RGS20: variants seen among roughly 807,000 people sequenced by gnomAD.
The protein encoded by RGS20 is regulator of G protein signaling 20.
A neutral mutation model predicts 33.6 loss-of-function variants in RGS20; 30 were observed. That is an observed-to-expected ratio of 0.89 (90% CI 0.67 to 1.21). The LOEUF is 1.21. RGS20 is among the 50% of genes most tolerant of loss of function. The pLI, the probability that RGS20 is intolerant of heterozygous loss-of-function variation, is 0.00. For synonymous variants in RGS20, 208 were observed against 197.9 expected (o/e 1.05, Z -0.43); for missense variants, 472 against 502.4 (o/e 0.94, Z 0.58).
At chr8:53,863,149 G>C (rs192485235) in intron 1 of RGS20, among the ~76,000 whole-genome samples, 1 of 151,996 alleles carries the variant, frequency 6.6e-6, no homozygotes, top group Non-Finnish European at 1.5e-5. Flanking sequence ...CACCATGCCC[G>C]GCTAATTTTG....
chr8:53,869,620 G>A (rs769473755), intron 1 of RGS20, among the ~76,000 whole-genome samples: 12 of 152,068 alleles, frequency 7.9e-5, no homozygotes, highest in Non-Finnish European at 1.2e-4. Context: ...AGGTTGCGGC[G>A]AGCCAAGATC....
At chr8:53,938,041 C>T (rs1294291996) in intron 2 of RGS20, among the ~76,000 whole-genome samples, 1 of 152,094 alleles carries the variant, frequency 6.6e-6, no homozygotes, top group Non-Finnish European at 1.5e-5. Flanking sequence ...TGGGTATATA[C>T]CCAAAGGATT....
chr8:53,869,439 G>GTGCTGGGTGAGCACCTATCTGATAGAT (rs1194984683), intron 1 of RGS20, among the ~76,000 whole-genome samples: 1 of 152,148 alleles, frequency 6.6e-6, no homozygotes, highest in Non-Finnish European at 1.5e-5. Flanking sequence ...ATTTTGATAG[G>GTGCTGGGTGAGCACCTATCTGATAGAT]CTGAGGTGAG....
chr8:53,958,068 G>A (rs925489212), intron 5 of RGS20, among the ~76,000 whole-genome samples: 3 of 151,972 alleles, frequency 2.0e-5, no homozygotes, highest in Non-Finnish European at 4.4e-5. Context: ...CCCAGGAGGC[G>A]GAGGTTGCAC....
In RGS20 at chr8:53,851,918, G is replaced by T; in HGVS notation, c.19G>T (p.Asp7Tyr). 1 of 1,614,044 alleles carries T rather than the reference G, an allele frequency of 6.2e-7. No individual in the cohort carries two copies. Residue 7 changes from aspartate to tyrosine, a missense_variant, in exon 1 of 6, where the codon GAT becomes TAT. Physicochemically the swap from Asp to Tyr is radical, Grantham distance 160. This residue lies in a region of RGS20 where 28 missense variants were observed against 49.6 expected (regional missense o/e 0.57). Transcript: ENST00000297313. ...TGAAAACATGCCCCAGCTTTCCCAA[G>T]ATAACCAAGAGTGCCTCCAGAAACA...
Position 53,870,244 on chromosome 8 carries a change from T to C in RGS20, c.166-9014T>C, listed in dbSNP as rs117932022. The stretch of plus-strand genomic sequence containing the variant: ...TGCATCCTTACAGAGATAGTCTATG[T>C]ATACACAGATATGTGTGTACACACA... On this transcript the variant is annotated intron_variant, in intron 1 of 5. Transcript: ENST00000297313. 4.7e-4 allele frequency among the ~76,000 whole-genome samples: 72 copies of C among 152,268 alleles called. 2 individuals carry two copies. In the East Asian group the frequency reaches 0.014, roughly 29 times the overall value.
intron 1 of RGS20, among the ~76,000 whole-genome samples, chr8:53,867,761 T>C (rs1414385082): frequency 1.3e-5 from 2 of 151,508 alleles, no homozygotes; most frequent in Non-Finnish European, 2.9e-5. Flanking sequence ...CAAGACAGGG[T>C]CTCCGATCAC....
intron 2 of RGS20, chr8:53,914,942 T>G (rs927279869): frequency 6.6e-6 from 1 of 152,214 alleles, no homozygotes; most frequent in Non-Finnish European, 1.5e-5. Flanking sequence ...GTCAGGAGTT[T>G]GAGGCCATCC....
intron 2 of RGS20, chr8:53,933,542 T>G (rs1445816441): frequency 6.6e-6 from 1 of 152,094 alleles, no homozygotes; most frequent in Non-Finnish European, 1.5e-5. Context: ...AAATAAAGTG[T>G]GAAGACAAGA....
In RGS20 at chr8:53,896,679, A is replaced by C. The variant is rs116967878; in HGVS notation, c.510+17077A>C. Among the ~76,000 whole-genome samples, 107 of 152,356 alleles carry C rather than the reference A, an allele frequency of 7.0e-4. No homozygotes were observed. The East Asian group carries it at 0.019, about 28-fold the overall frequency. Reference sequence around the variant, plus strand: ...CCAATTAAAGGCAATCTCCTATAGGAAATAAAATCAAAGGACCCAACTTAA... The same window carrying C: ...CCAATTAAAGGCAATCTCCTATAGGCAATAAAATCAAAGGACCCAACTTAA... On this transcript the variant is annotated intron_variant, in intron 2 of 5. Transcript: ENST00000297313.
chr8:53,860,397 A>G (rs1188485108), intron 1 of RGS20, among the ~76,000 whole-genome samples: 1 of 152,236 alleles, frequency 6.6e-6, no homozygotes, highest in Non-Finnish European at 1.5e-5. Flanking sequence ...CATTCTAAGA[A>G]CTTTTATTCA....
At chr8:53,888,920 TTTGTGTGAATACACCACAGTGTATTCCA>T (rs1187949799) in intron 2 of RGS20, among the ~76,000 whole-genome samples, 1 of 152,234 alleles carries the variant, frequency 6.6e-6, no homozygotes, top group East Asian at 1.9e-4. Flanking sequence ...GCAGCGTTCC[TTTGTGTGAATACACCACAGTGTATTCCA>T]TTCCACTACT....
rs200412498 is a variant in RGS20 at position 53,889,398 on chromosome 8, T to TTCTCTC, written c.510+9806_510+9811dup. ...CCCATTTTTCTTTTTCTTTCTTTCT[T>TTCTCTC]TCTCTCTCTCTCTCTTTTTTTTTTT... On this transcript the variant is annotated intron_variant, in intron 2 of 5. Coordinates refer to ENST00000297313, the MANE Select transcript of RGS20 (RefSeq NM_170587.4). Among the ~76,000 whole-genome samples the TTCTCTC allele has an allele frequency of 5.3e-3, 664 of 124,124 alleles. 103 individuals are homozygous for TTCTCTC. The highest frequency in any genetic ancestry group is 0.026 in the African/African-American group (624 of 23,566). The allele number at this position is 124,124 out of a possible 152,430, so 81.4% of individuals were successfully genotyped here.
intron 2 of RGS20, among the ~76,000 whole-genome samples, chr8:53,929,541 G>A (rs1207857145): frequency 1.3e-5 from 2 of 152,142 alleles, no homozygotes; most frequent in African/African-American, 2.4e-5. Flanking sequence ...GGTGGCGGAC[G>A]CCTGTAATTC....
intron 1 of RGS20, among the ~76,000 whole-genome samples, chr8:53,878,854 G>A (rs1340853951): frequency 6.6e-6 from 1 of 152,188 alleles, no homozygotes; most frequent in Non-Finnish European, 1.5e-5. Context: ...AGTTACAAAA[G>A]TGAACTAAGA....
chr8:53,946,423 G>C (rs1814479273), intron 3 of RGS20: 1 of 474,144 alleles, frequency 2.1e-6, no homozygotes, highest in Admixed American at 3.1e-5. Flanking sequence ...AAGTATAATT[G>C]AACACAATAA....
At chr8:53,863,091 G>T (rs1811844637) in intron 1 of RGS20, among the ~76,000 whole-genome samples, 1 of 152,084 alleles carries the variant, frequency 6.6e-6, no homozygotes, top group African/African-American at 2.4e-5. Context: ...CAGTTCAAGG[G>T]ATTCTCCTGC....
At chr8:53,920,394 AT>A (rs1296052160) in intron 2 of RGS20, among the ~76,000 whole-genome samples, 5 of 152,070 alleles carry the variant, frequency 3.3e-5, no homozygotes, top group African/African-American at 1.2e-4. Flanking sequence ...GAACTCATTT[AT>A]TAGTTCTAAT....
chr8:53,907,599 G>T (rs2129282612), intron 2 of RGS20, among the ~76,000 whole-genome samples: 1 of 150,240 alleles, frequency 6.7e-6, no homozygotes, highest in Non-Finnish European at 1.5e-5. Context: ...AAAAAAAAAA[G>T]ATTTAAAGAA....
Sources: allele counts gnomAD v4.1 joint callset (sites outside exome capture counted in the v4.1 genomes callset), GRCh38; gene constraint gnomAD v4.1.1; regional missense constraint gnomAD v4.1.1; transcripts MANE v1.5; gene names NCBI Gene and HGNC (gene_info 2026-07-23, HGNC 2026-07-21).